Variants in RASGRP3 observed in about 807,000 individuals in gnomAD.
RASGRP3 encodes RAS guanyl releasing protein 3.
RASGRP3 carries 54 observed loss-of-function variants against 82.7 expected under a neutral mutation model. The ratio of observed to expected loss-of-function variants is 0.65; its 90% CI spans 0.52 to 0.82. The LOEUF (loss-of-function observed/expected upper bound fraction) is 0.82, where lower values mean the gene tolerates loss of function less well. Among genes scored for constraint, RASGRP3 ranks in the 40% least tolerant of loss-of-function variants. The pLI, the probability that RASGRP3 is intolerant of heterozygous loss-of-function variation, is 0.00. For synonymous variants in RASGRP3, 309 were observed against 300.5 expected (o/e 1.03, Z -0.29); for missense variants, 861 against 828.9 (o/e 1.04, Z -0.48).
In RASGRP3 at chr2:33,521,990, G is replaced by A. The variant is rs1407565966; in HGVS notation, c.404G>A (p.Arg135Lys). 6.2e-7 allele frequency: 1 copy of A among 1,613,622 alleles called. No individual in the cohort carries two copies. The highest frequency in any genetic ancestry group is 8.5e-7 in the Non-Finnish European group (1 of 1,179,814). The change falls in exon 7 of 18, where the codon AGG becomes AAG. Residue 135 changes from arginine to lysine, a missense_variant. Arg to Lys is a conservative substitution (Grantham distance 26). Transcript: ENST00000403687. ...SYDWMRRVTQ[R>K]KKVSKKGKAC... ...GACTGGATGAGAAGAGTCACACAGAGGAAAAAAGTATCCAAGAAGGGAAAA... is the reference window on the plus strand; with the variant it reads ...GACTGGATGAGAAGAGTCACACAGAAGAAAAAAGTATCCAAGAAGGGAAAA...
chr2:33,479,159 T>C (rs1574291088), intron 1 of RASGRP3, among the ~76,000 whole-genome samples: 1 of 152,220 alleles, frequency 6.6e-6, no homozygotes, highest in African/African-American at 2.4e-5. Context: ...ACAATGTGTG[T>C]TATGCCCTTT....
upstream of RASGRP3, among the ~76,000 whole-genome samples, chr2:33,472,758 C>T (rs879701934): frequency 1.1e-4 from 16 of 150,056 alleles, no homozygotes; most frequent in Non-Finnish European, 1.9e-4. Context: ...TGTTCGGGAC[C>T]ATCCTGGCCA....
intron 1 of RASGRP3, among the ~76,000 whole-genome samples, chr2:33,487,890 G>A (rs1298552973): frequency 6.6e-6 from 1 of 152,172 alleles, no homozygotes; most frequent in African/African-American, 2.4e-5. Context: ...ACTTGAGCTC[G>A]GGAATTCTGA....
chr2:33,501,471 TAACTC>T (rs758282051), intron 1 of RASGRP3, among the ~76,000 whole-genome samples: 15 of 152,236 alleles, frequency 9.9e-5, no homozygotes, highest in Admixed American at 2.0e-4. Flanking sequence ...AGGAGCTACC[TAACTC>T]ATTTCCAAAG....
intron 2 of RASGRP3, among the ~76,000 whole-genome samples, chr2:33,458,930 A>T (rs1394763666): frequency 2.6e-5 from 4 of 152,176 alleles, no homozygotes; most frequent in African/African-American, 7.2e-5. Flanking sequence ...ACTGGGGGCA[A>T]ATAGACTCTA....
At chr2:33,554,016 C>T (rs1049782853) in intron 14 of RASGRP3, among the ~76,000 whole-genome samples, 1 of 152,120 alleles carries the variant, frequency 6.6e-6, no homozygotes, top group African/African-American at 2.4e-5. Flanking sequence ...GGATTACAGG[C>T]GTGAGCCACC....
At chr2:33,446,611 T>C (rs565410918) in intron 1 of RASGRP3, among the ~76,000 whole-genome samples, 3 of 152,140 alleles carry the variant, frequency 2.0e-5, no homozygotes, top group East Asian at 3.9e-4. Context: ...ACATGAGAAT[T>C]GTGCATGATT....
chr2:33,470,617 G>A (rs1036681836), intron 2 of RASGRP3, among the ~76,000 whole-genome samples: 1 of 152,112 alleles, frequency 6.6e-6, no homozygotes, highest in East Asian at 1.9e-4. Context: ...CTGACCTTGT[G>A]ATCCACCCTC....
intron 2 of RASGRP3, among the ~76,000 whole-genome samples, chr2:33,451,450 T>C (rs966748290): frequency 4.6e-5 from 7 of 152,242 alleles, no homozygotes; most frequent in Non-Finnish European, 8.8e-5. Context: ...TTGTTGCCTG[T>C]GCTTTTGGAG....
At chr2:33,492,262 G>A (rs1292247981) in intron 1 of RASGRP3, among the ~76,000 whole-genome samples, 1 of 152,104 alleles carries the variant, frequency 6.6e-6, no homozygotes, top group Admixed American at 6.5e-5. Flanking sequence ...AAATCCTCTG[G>A]GGCAATTGAC....
At chr2:33,555,814 A>G (rs1274095419) in intron 15 of RASGRP3, among the ~76,000 whole-genome samples, 1 of 152,202 alleles carries the variant, frequency 6.6e-6, no homozygotes, top group Non-Finnish European at 1.5e-5. Flanking sequence ...TGGAATCAGC[A>G]GCATCCAGTT....
rs558666157 is a variant in RASGRP3 at position 33,468,980 on chromosome 2, A to G, written c.-261+21037A>G. ...GTACGATTTATATTCTTTCTGGTAG[A>G]GTATGAAGGTGCCATTTTCCAAACC... On this transcript the variant is annotated intron_variant, in intron 2 of 18. Coordinates refer to the RASGRP3 transcript ENST00000402538. Among the ~76,000 whole-genome samples the G allele has an allele frequency of 2.6e-5, 4 of 152,254 alleles. No individual in the cohort carries two copies. In the South Asian group the frequency reaches 6.2e-4, roughly 24 times the overall value.
intron 12 of RASGRP3, among the ~76,000 whole-genome samples, chr2:33,540,615 TTCTCTC>T (rs72384480): frequency 6.5e-4 from 79 of 121,630 alleles, no homozygotes; most frequent in Middle Eastern, 3.9e-3. Context: ...TCTGGGGAAT[TTCTCTC>T]TCTCTCTCTC....
chr2:33,450,814 C>CTTTGTTTTTT (rs1665745631), intron 2 of RASGRP3, among the ~76,000 whole-genome samples: 1 of 30,658 alleles, frequency 3.3e-5, no homozygotes, highest in Non-Finnish European at 7.9e-5. Flanking sequence ...TTTTCTCTTT[C>CTTTGTTTTTT]TTTCTTTCTT....
At chr2:33,476,163 G>A (rs191911379), upstream of RASGRP3, 5 of 152,030 alleles carry the variant, frequency 3.3e-5, no homozygotes, top group East Asian at 9.7e-4. Context: ...CTTGTGGCTC[G>A]TCTAACAAAC....
Position 33,542,317 on chromosome 2 carries a change from TG to T in RASGRP3, c.1279-1194del, listed in dbSNP as rs1447547525. On this transcript the variant is annotated intron_variant, in intron 12 of 17. Transcript: ENST00000403687. ...CTCTCTGTGGTAATTTGTATCATGT[TG>T]TTTTGATTAATGTAGCTGTGTAGAA... is the stretch of plus-strand genomic sequence containing the variant. 2.7e-5 allele frequency among the ~76,000 whole-genome samples: 4 copies of T among 146,942 alleles called. 1 individual carries two copies. Among genetic ancestry groups the T allele is most frequent in the African/African-American group, 9.7e-5 (4 of 41,104 alleles).
chr2:33,528,455 C>A (rs867982659), intron 10 of RASGRP3, among the ~76,000 whole-genome samples: 1 of 152,204 alleles, frequency 6.6e-6, no homozygotes, highest in South Asian at 2.1e-4. Flanking sequence ...AGAGGCATAA[C>A]AAAATTCACT....
At chr2:33,514,987 C>G (rs1289994813) in intron 2 of RASGRP3, 23 bp from the exon 3 acceptor site, 1 of 694,810 alleles carries the variant, frequency 1.4e-6, no homozygotes, top group African/African-American at 1.8e-5. Context: ...TAATAACTTT[C>G]TCTCTTTTTT....
At chr2:33,446,937 A>T (rs1028671963) in intron 1 of RASGRP3, among the ~76,000 whole-genome samples, 1 of 151,758 alleles carries the variant, frequency 6.6e-6, no homozygotes, top group African/African-American at 2.4e-5. Flanking sequence ...AGGTCAGGAG[A>T]TGGAAACCAT....
Sources: gnomAD v4.1 joint callset for allele counts (sites outside exome capture counted in the v4.1 genomes callset) on GRCh38, gnomAD v4.1.1 for gene constraint, MANE v1.5 for transcripts, NCBI Gene and HGNC (gene_info 2026-07-23, HGNC 2026-07-21) for gene names.